PAK1: variants seen among roughly 807,000 people sequenced by gnomAD.
The protein encoded by PAK1 is p21 (RAC1) activated kinase 1, also known as serine/threonine-protein kinase PAK 1.
A neutral mutation model predicts 67.4 loss-of-function variants in PAK1; 29 were observed. The observed-to-expected ratio is 0.43, with a 90% CI of 0.32 to 0.59. The LOEUF (loss-of-function observed/expected upper bound fraction) is 0.59, where lower values mean the gene tolerates loss of function less well. Among genes scored for constraint, PAK1 ranks in the 20% least tolerant of loss-of-function variants. The pLI, the probability that PAK1 is intolerant of heterozygous loss-of-function variation, is 0.07. For missense variants in PAK1, 337 were observed against 670.7 expected (o/e 0.50, Z 5.50); for synonymous variants, 223 against 237.4 (o/e 0.94, Z 0.56).
At chr11:77,428,264 T>G (rs926988912) in intron 1 of PAK1, among the ~76,000 whole-genome samples, 15 of 152,094 alleles carry the variant, frequency 9.9e-5, no homozygotes, top group African/African-American at 3.4e-4. Flanking sequence ...AGGCTTTGTG[T>G]TATAATAGTC....
chr11:77,477,259 A>G (rs1021158795), upstream of PAK1, among the ~76,000 whole-genome samples: 10 of 152,332 alleles, frequency 6.6e-5, no homozygotes, highest in East Asian at 1.9e-4. Context: ...TAGGCAAAAC[A>G]ATGTATAACA....
At chr11:77,407,155 G>A (rs1490887063) in intron 1 of PAK1, among the ~76,000 whole-genome samples, 2 of 152,144 alleles carry the variant, frequency 1.3e-5, no homozygotes, top group Non-Finnish European at 2.9e-5. Context: ...GTAACAGTAA[G>A]TGGTAGAACC....
intron 1 of PAK1, among the ~76,000 whole-genome samples, chr11:77,425,543 C>A (rs1054895625): frequency 5.9e-5 from 9 of 152,186 alleles, no homozygotes; most frequent in African/African-American, 2.2e-4. Context: ...CTGTGGCACC[C>A]TCCTGGACCA....
intron 1 of PAK1, among the ~76,000 whole-genome samples, chr11:77,426,126 CTTG>C (rs1366568702): frequency 7.6e-6 from 1 of 132,234 alleles, no homozygotes; most frequent in Non-Finnish European, 1.6e-5. Context: ...TCTCCTAAGA[CTTG>C]TTAAGAACAA....
At chr11:77,379,861 A>C in intron 3 of PAK1, 33 bp downstream of exon 3, 1 of 1,422,466 alleles carries the variant, frequency 7.0e-7, no homozygotes, top group Middle Eastern at 1.8e-4. Flanking sequence ...GAACTCTAAA[A>C]GACTAAAGAC....
chr11:77,344,244 T>C (rs903020111), intron 9 of PAK1, among the ~76,000 whole-genome samples: 2 of 152,176 alleles, frequency 1.3e-5, no homozygotes, highest in African/African-American at 4.8e-5. Flanking sequence ...GAATCAAACT[T>C]TGGTGTAGAA....
At position 77,327,302 on chromosome 11, in the gene PAK1, C is replaced by T. The variant is rs867143393; in HGVS notation, c.1552-3942G>A. Reference sequence around the variant, plus strand: ...CAGAGAATGCCACAAAGATACTCCTCGAGAAGAGCAACTCCAAGACACATA... The same window carrying T: ...CAGAGAATGCCACAAAGATACTCCTTGAGAAGAGCAACTCCAAGACACATA... On this transcript the variant is annotated intron_variant, in intron 14 of 14. Transcript: ENST00000356341. Among the ~76,000 whole-genome samples, 1,186 of 152,052 alleles carry T rather than the reference C, an allele frequency of 7.8e-3. 10 individuals carry two copies. The highest frequency in any genetic ancestry group is 0.027 in the African/African-American group (1,137 of 41,474).
At chr11:77,370,973 C>G (rs1392345918) in intron 5 of PAK1, among the ~76,000 whole-genome samples, 1 of 152,206 alleles carries the variant, frequency 6.6e-6, no homozygotes, top group African/African-American at 2.4e-5. Flanking sequence ...AAAGCACTGC[C>G]TTTTTCTCTG....
chr11:77,490,001 G>A, the PAK1 span, among the ~76,000 whole-genome samples: 1 of 151,468 alleles, frequency 6.6e-6, no homozygotes, highest in Non-Finnish European at 1.5e-5. Context: ...TCTAGGAAGT[G>A]AGGAACGCCT....
chr11:77,482,842 C>T, the PAK1 span, among the ~76,000 whole-genome samples: 2 of 151,974 alleles, frequency 1.3e-5, no homozygotes, highest in African/African-American at 2.4e-5. Flanking sequence ...TAGGCACAAG[C>T]GATCCTCCCG....
intron 14 of PAK1, among the ~76,000 whole-genome samples, chr11:77,326,249 A>G (rs1040784184): frequency 2.0e-4 from 31 of 152,342 alleles, no homozygotes; most frequent in African/African-American, 7.2e-4. Context: ...GCAGGAGTAT[A>G]AAAGGCCTAG....
intron 2 of PAK1, among the ~76,000 whole-genome samples, chr11:77,380,288 G>A (rs757309113): frequency 8.5e-5 from 13 of 152,168 alleles, no homozygotes; most frequent in Non-Finnish European, 1.6e-4. Flanking sequence ...GAGTCCAGGA[G>A]TTCAAGACCA....
At chr11:77,523,578 T>C in the PAK1 span, among the ~76,000 whole-genome samples, 7 of 151,868 alleles carry the variant, frequency 4.6e-5, no homozygotes, top group South Asian at 2.1e-4. Flanking sequence ...CGCCACCATG[T>C]CTGGCTAATT....
chr11:77,478,641 G>A (rs529491794), upstream of PAK1, among the ~76,000 whole-genome samples: 19 of 152,042 alleles, frequency 1.2e-4, no homozygotes, highest in East Asian at 1.7e-3. Context: ...TTAGCCGGGC[G>A]TGGTGGCATG....
At chr11:77,428,001 C>T (rs952211114) in intron 1 of PAK1, among the ~76,000 whole-genome samples, 1 of 152,030 alleles carries the variant, frequency 6.6e-6, no homozygotes, top group Admixed American at 6.6e-5. Flanking sequence ...AAGGAGTAGC[C>T]AGTGGCGATA....
intron 1 of PAK1, among the ~76,000 whole-genome samples, chr11:77,399,735 T>A (rs1952368459): frequency 6.8e-6 from 1 of 148,128 alleles, no homozygotes; most frequent in Non-Finnish European, 1.5e-5. Context: ...GGCGGGCGCC[T>A]GTAGTCCCAG....
Position 77,392,414 on chromosome 11 carries a change from T to C in PAK1, c.107A>G (p.His36Arg), listed in dbSNP as rs1443904811. The part of the protein sequence containing the change: ...AGSKDAGTLN[H>R]GSKPLPPNPE... The stretch of plus-strand genomic sequence containing the variant: ...GTTTGGAGGCAGAGGTTTAGAACCA[T>C]GGTTTAGGGTTCCAGCATCTTTGCT... Residue 36 changes from histidine (H) to arginine (R), a missense_variant, in exon 2 of 15, where the codon CAT becomes CGT. Physicochemically the swap from His to Arg is conservative, Grantham distance 29. Around this residue, in one of 8 missense-constraint regions of PAK1, gnomAD observed 43 missense variants for 141.5 expected, o/e 0.30. Transcript: ENST00000356341. 3 of 1,614,016 alleles carry C rather than the reference T, an allele frequency of 1.9e-6. No individual in the cohort carries two copies. Among genetic ancestry groups the C allele is most frequent in the South Asian group, 1.1e-5 (1 of 91,070 alleles).
intron 6 of PAK1, 101 bp downstream of exon 6, chr11:77,358,797 C>T (rs569061932): frequency 1.7e-5 from 20 of 1,155,314 alleles, no homozygotes; most frequent in South Asian, 1.7e-4. Context: ...AATCTAAGGA[C>T]GCCTACCAGA....
chr11:77,452,889 G>C (rs181057190), intron 1 of PAK1, among the ~76,000 whole-genome samples: 184 of 152,262 alleles, frequency 1.2e-3, no homozygotes, highest in Non-Finnish European at 2.1e-3. Flanking sequence ...TTCCTAGGTT[G>C]GCACATCAGC....
Sources: allele counts gnomAD v4.1 joint callset (sites outside exome capture counted in the v4.1 genomes callset), GRCh38; gene constraint gnomAD v4.1.1; regional missense constraint gnomAD v4.1.1; transcripts MANE v1.5; gene names NCBI Gene and HGNC (gene_info 2026-07-23, HGNC 2026-07-21).